The following EML6 variants were observed in gnomAD, a reference collection of about 807,000 sequenced individuals.
EML6 encodes echinoderm microtubule-associated protein-like 6.
In EML6, 154 loss-of-function variants were observed where a neutral mutation model predicts 240.1. The observed-to-expected ratio is 0.64, with a 90% confidence interval of 0.56 to 0.73. The LOEUF is 0.73. Ranked by LOEUF, EML6 falls within the 30% of genes least tolerant of loss-of-function variation. The pLI, the probability that EML6 is intolerant of heterozygous loss-of-function variation, is 0.00. For missense variants in EML6, 2,964 were observed against 2,474.6 expected (o/e 1.20, Z -4.20); for synonymous variants, 1,148 against 899.0 (o/e 1.28, Z -4.95).
chr2:54,894,795 CAT>C (rs1340944350), intron 19 of EML6, 118 bp from the exon 20 acceptor site: 5 of 623,358 alleles, frequency 8.0e-6, no homozygotes, highest in Middle Eastern at 2.6e-4. Flanking sequence ...TTTTCCATCT[CAT>C]ATATTTAGGA....
In EML6 at chr2:54,853,624, T is replaced by G. The variant is rs1443367435; in HGVS notation, c.1445-19T>G. The G allele has an allele frequency of 7.0e-7, 1 of 1,420,626 alleles. No individual in the cohort carries two copies. Among genetic ancestry groups the G allele is most frequent in the East Asian group, 2.5e-5 (1 of 39,738 alleles). 88.0% of individuals were successfully genotyped at this position (1,420,626 alleles called of 1,614,324 possible). A position where few individuals can be genotyped will look rare whatever the true frequency, so the allele number is the denominator to read the frequency against. On this transcript the variant is annotated intron_variant, in intron 10 of 41. Coordinates refer to ENST00000356458, the MANE Select transcript of EML6 (RefSeq NM_001039753.4). The stretch of plus-strand genomic sequence containing the variant: ...TAAACTTTTTATTTAAATGTAATGT[T>G]AATATTGATTATTTTCAGCTGGGAA...
intron 28 of EML6, among the ~76,000 whole-genome samples, chr2:54,938,226 A>C (rs1675251466): frequency 6.6e-6 from 1 of 152,176 alleles, no homozygotes; most frequent in African/African-American, 2.4e-5. Context: ...GGCACCTGTA[A>C]TCACAGCTAC....
At chr2:54,951,501 C>T (rs1037555696) in intron 30 of EML6, among the ~76,000 whole-genome samples, 5 of 151,474 alleles carry the variant, frequency 3.3e-5, no homozygotes, top group African/African-American at 9.7e-5. Context: ...GCCAAGATCG[C>T]GCCATTGCAC....
At chr2:54,754,082 T>A (rs1684294356) in intron 2 of EML6, among the ~76,000 whole-genome samples, 1 of 149,882 alleles carries the variant, frequency 6.7e-6, no homozygotes, top group Non-Finnish European at 1.5e-5. Flanking sequence ...TTGCAGTGAG[T>A]CGAGATCACA....
At chr2:54,911,846 T>A (rs1673659841) in intron 25 of EML6, among the ~76,000 whole-genome samples, 1 of 152,262 alleles carries the variant, frequency 6.6e-6, no homozygotes, top group Non-Finnish European at 1.5e-5. Flanking sequence ...TACACGATTT[T>A]TTAGTTGCTG....
rs1472128279 is a variant in EML6 at position 54,844,166 on chromosome 2, C to G, written c.967C>G (p.His323Asp). 6.4e-7 allele frequency: 1 copy of G among 1,551,694 alleles called. No homozygotes were observed. The stretch of plus-strand genomic sequence containing the variant: ...CAAGCCGATGTTGATCCTACAGGGC[C>G]ACTGCGAGGGTGAGCTCTGGGCTCT... The part of the protein sequence containing the change: ...RDKPMLILQG[H>D]CEGELWALAL... Residue 323 changes from histidine (H) to aspartate (D), a missense_variant, in exon 8 of 42, where the codon CAC becomes GAC. Coordinates refer to ENST00000356458, the MANE Select transcript of EML6 (RefSeq NM_001039753.4).
intron 2 of EML6, among the ~76,000 whole-genome samples, chr2:54,759,254 C>T (rs1214503820): frequency 1.3e-5 from 2 of 149,938 alleles, no homozygotes; most frequent in South Asian, 2.1e-4. Context: ...TAATTAGGCC[C>T]ACAGTTTACA....
intron 2 of EML6, among the ~76,000 whole-genome samples, chr2:54,794,570 G>A (rs981978644): frequency 1.3e-5 from 2 of 152,024 alleles, no homozygotes; most frequent in African/African-American, 4.8e-5. Context: ...TCGTCCTGAT[G>A]CCCCCTAAAG....
rs148208140 is a variant in EML6 at position 54,775,419 on chromosome 2, C to T, written c.198-37813C>T. 8.5e-5 allele frequency among the ~76,000 whole-genome samples: 13 copies of T among 152,250 alleles called. No homozygotes were observed. The East Asian group carries it at 1.4e-3, about 16-fold the overall frequency. ...GACTTGTTCTTTCCCGTGCCTGAAA[C>T]GCTCCTCCCCTCGATTTGGCCTTGG... is the stretch of plus-strand genomic sequence containing the variant. On this transcript the variant is annotated intron_variant, in intron 2 of 41. Coordinates refer to ENST00000356458, the MANE Select transcript of EML6 (RefSeq NM_001039753.4).
intron 18 of EML6, 72 bp downstream of exon 18, chr2:54,891,226 C>G (rs757953488): frequency 2.0e-5 from 14 of 699,104 alleles, no homozygotes; most frequent in Non-Finnish European, 3.1e-5. Context: ...ACAAAACAAA[C>G]TGTTGCTACT....
chr2:54,867,766 C>T (rs1573032715), intron 14 of EML6: 1 of 152,120 alleles, frequency 6.6e-6, no homozygotes, highest in Non-Finnish European at 1.5e-5. Context: ...AAAAAAAATA[C>T]CTGAAGAAGT....
intron 2 of EML6, among the ~76,000 whole-genome samples, chr2:54,786,827 C>A (rs1669121207): frequency 6.6e-6 from 1 of 152,250 alleles, no homozygotes; most frequent in Non-Finnish European, 1.5e-5. Context: ...CATTCCCACA[C>A]AGGTTCCCCA....
intron 29 of EML6, among the ~76,000 whole-genome samples, chr2:54,949,319 G>T (rs750560924): frequency 6.6e-6 from 1 of 152,160 alleles, no homozygotes; most frequent in African/African-American, 2.4e-5. Context: ...CATATTCACC[G>T]TCTCTAATGT....
rs558904343 is a variant in EML6, at chr2:54,836,998, G to A, written c.848-7049G>A. On this transcript the variant is annotated intron_variant, in intron 7 of 41. Transcript: ENST00000356458. ...CTCAGCCACCCCTTCCTGAGGGGCT[G>A]CAAGGGCGGGGGGTTTTGAAGATCT... is the stretch of plus-strand genomic sequence containing the variant. Among the ~76,000 whole-genome samples the A allele has an allele frequency of 3.9e-5, 6 of 152,278 alleles. No individual in the cohort carries two copies. In the South Asian group the frequency reaches 1.2e-3, roughly 32 times the overall value.
At chr2:54,920,120 G>T (rs913443643) in intron 26 of EML6, among the ~76,000 whole-genome samples, 1 of 151,796 alleles carries the variant, frequency 6.6e-6, no homozygotes, top group African/African-American at 2.4e-5. Flanking sequence ...CAGAAAACTA[G>T]GAAAAGAAGA....
chr2:54,794,367 T>C (rs1669637899), intron 2 of EML6, among the ~76,000 whole-genome samples: 2 of 152,184 alleles, frequency 1.3e-5, no homozygotes. Context: ...ATTATTGATA[T>C]TATACAAATT....
chr2:54,821,077 A>G (rs1053828936), intron 5 of EML6, among the ~76,000 whole-genome samples: 4 of 152,168 alleles, frequency 2.6e-5, no homozygotes, highest in Non-Finnish European at 5.9e-5. Flanking sequence ...CCCCTGGGAT[A>G]TAGCCCAGGA....
intron 8 of EML6, among the ~76,000 whole-genome samples, chr2:54,844,785 C>A (rs1173262013): frequency 6.6e-6 from 1 of 152,190 alleles, no homozygotes; most frequent in Non-Finnish European, 1.5e-5. Context: ...GAGCCTCCAG[C>A]TTTCTTGCTG....
At chr2:54,935,853 C>G (rs1033882635) in intron 28 of EML6, among the ~76,000 whole-genome samples, 3 of 152,004 alleles carry the variant, frequency 2.0e-5, no homozygotes, top group Non-Finnish European at 2.9e-5. Context: ...ATAAGGAGGC[C>G]CTATCTCTAC....
Sources: allele counts gnomAD v4.1 joint callset (sites outside exome capture counted in the v4.1 genomes callset), GRCh38; gene constraint gnomAD v4.1.1; transcripts MANE v1.5; gene names NCBI Gene and HGNC (gene_info 2026-07-23, HGNC 2026-07-21).